PRG4: variants seen among roughly 807,000 people sequenced by gnomAD.
PRG4 encodes proteoglycan 4.
In PRG4, 61 loss-of-function variants were observed where a neutral mutation model predicts 91.2. The observed-to-expected ratio is 0.67, with a 90% CI of 0.54 to 0.83. The LOEUF (loss-of-function observed/expected upper bound fraction) is 0.83, where lower values mean the gene tolerates loss of function less well. Among genes scored for constraint, PRG4 ranks in the 40% least tolerant of loss-of-function variants. The pLI, the probability that PRG4 is intolerant of heterozygous loss-of-function variation, is 0.00. For synonymous variants in PRG4, 576 were observed against 614.2 expected (o/e 0.94, Z 0.92); for missense variants, 1,564 against 1,714.2 (o/e 0.91, Z 1.55).
chr1:186,314,141 T>C lies in PRG4; in HGVS notation c.*363T>C. 2.1e-6 allele frequency: 2 copies of C among 933,516 alleles called. No homozygotes were observed. The highest frequency in any genetic ancestry group is 2.5e-5 in the East Asian group (1 of 40,268). The allele number at this position is 933,516 out of a possible 1,614,324, so 57.8% of individuals were successfully genotyped here. ...CTAGGCATTGTGGATATAAAACTGT[T>C]GGGTATTCTACAACTTCAATGGAAA... is the stretch of plus-strand genomic sequence containing the variant. On this transcript the variant is annotated 3_prime_UTR_variant, in exon 13 of 13. Coordinates refer to ENST00000445192, the MANE Select transcript of PRG4 (RefSeq NM_005807.6).
At position 186,304,933 on chromosome 1, in the gene PRG4, T is replaced by C. The variant is rs780274827; in HGVS notation, c.598+11T>C. On this transcript the variant is annotated intron_variant, in intron 6 of 12. Transcript: ENST00000445192. ...AGAAGAAACTCAAAGGTTTGAGCAT[T>C]GATAAAGATCAAAGACTGTATCAAT... 1.2e-6 allele frequency: 2 copies of C among 1,611,956 alleles called. No homozygotes were observed. The highest frequency in any genetic ancestry group is 1.7e-6 in the Non-Finnish European group (2 of 1,178,508).
intron 5 of PRG4, 72 bp from the exon 6 acceptor site, chr1:186,304,722 G>C: frequency 6.5e-7 from 1 of 1,533,288 alleles, no homozygotes; most frequent in Non-Finnish European, 9.0e-7. Context: ...ACTTCTTGCT[G>C]TGTTTAGACT....
chr1:186,301,217 G>C (rs991495004), intron 3 of PRG4, among the ~76,000 whole-genome samples: 3 of 152,130 alleles, frequency 2.0e-5, no homozygotes, highest in African/African-American at 7.2e-5. Context: ...CAATTACTGT[G>C]AATCTATTAC....
chr1:186,305,025 G>T lies in PRG4; in HGVS notation c.598+103G>T, dbSNP rs6425025. ...GCAGAATGAGGACATCTTAATATGG[G>T]GGGGAATATAACTTTATGAATATTA... On this transcript the variant is annotated intron_variant, in intron 6 of 12. Transcript: ENST00000445192. 0.15 allele frequency: 188,071 copies of T among 1,227,694 alleles called. 15,630 individuals carry two copies. The highest frequency in any genetic ancestry group is 0.16 in the Non-Finnish European group (139,395 of 856,854). 76.1% of individuals were successfully genotyped at this position (1,227,694 alleles called of 1,614,324 possible). A position where few individuals can be genotyped will look rare whatever the true frequency, so the allele number is the denominator to read the frequency against.
chr1:186,312,012 AT>A (rs1557969045), intron 10 of PRG4, 162 bp from the exon 11 acceptor site: 9 of 607,590 alleles, frequency 1.5e-5, no homozygotes, highest in Non-Finnish European at 2.6e-5. Flanking sequence ...TTTAATAATT[AT>A]TTTTATAATA....
chr1:186,307,241 C>T lies in PRG4; in HGVS notation c.1522C>T (p.Pro508Ser). 1 of 1,587,888 alleles carries T rather than the reference C, an allele frequency of 6.3e-7. No individual in the cohort carries two copies. The highest frequency in any genetic ancestry group is 8.5e-7 in the Non-Finnish European group (1 of 1,170,394). Residue 508 changes from proline to serine, a missense_variant, in exon 7 of 13, where the codon CCC (proline) becomes TCC (serine). By Grantham distance (74) the Pro-to-Ser change is moderately conservative. Around this residue, in one of 3 missense-constraint regions of PRG4, gnomAD observed 1,079 missense variants for 1,162.2 expected, o/e 0.93. Transcript: ENST00000445192. ...ACCCACCACTCCCAAGGAGCCTGCA[C>T]CCACCACCACCAAGGAGCCTTCACC... ...PAPTTPKEPA[P>S]TTTKEPSPTT...
At position 186,311,461 on chromosome 1, in the gene PRG4, A is replaced by G. The variant is rs760509445; in HGVS notation, c.3658A>G (p.Thr1220Ala). 2 of 1,613,662 alleles carry G rather than the reference A, an allele frequency of 1.2e-6. No homozygotes were observed. The highest frequency in any genetic ancestry group is 1.7e-6 in the Non-Finnish European group (2 of 1,179,606). ...TCAGGATTCTCAGTACTGGCGTTTT[A>G]CCAATGATATAAAAGATGCAGGGTA... The part of the protein sequence containing the change: ...FFKDSQYWRF[T>A]NDIKDAGYPK... Residue 1220 changes from threonine (T) to alanine (A), a missense_variant, in exon 10 of 13, where the codon ACC becomes GCC. Coordinates refer to ENST00000445192, the MANE Select transcript of PRG4 (RefSeq NM_005807.6).
At chr1:186,312,990 G>C in intron 12 of PRG4, 96 bp downstream of exon 12, 1 of 1,309,136 alleles carries the variant, frequency 7.6e-7, no homozygotes, top group Non-Finnish European at 1.1e-6. Context: ...GACTGAATGT[G>C]AGAAGTTACA....
At position 186,308,938 on chromosome 1, in the gene PRG4, C is replaced by T. The variant is rs1656964448; in HGVS notation, c.3219C>T (p.Leu1073=). 6.2e-7 allele frequency: 1 copy of T among 1,610,932 alleles called. No individual in the cohort carries two copies. The highest frequency in any genetic ancestry group is 8.5e-7 in the Non-Finnish European group (1 of 1,178,870). The change falls in exon 7 of 13, where the codon CTC becomes CTT. Residue 1073 remains leucine, a synonymous_variant. Transcript: ENST00000445192. ...NPTSRIAEAM[L]QTTTRPNQTP... is the part of the protein sequence containing the mutation. ...CCTCAAGAATAGCAGAAGCCATGCT[C>T]CAAACCACCACCAGACCTAACCAAA...
Position 186,314,105 on chromosome 1 carries a change from A to C in PRG4, c.*327A>C. ...GTGTATTCACTTACCCTAGTTCATT[A>C]TAAAAAATATCTAGGCATTGTGGAT... On this transcript the variant is annotated 3_prime_UTR_variant, in exon 13 of 13. Coordinates refer to ENST00000445192, the MANE Select transcript of PRG4 (RefSeq NM_005807.6). 1 of 1,336,850 alleles carries C rather than the reference A, an allele frequency of 7.5e-7. No homozygotes were observed. The highest frequency in any genetic ancestry group is 1.0e-6 in the Non-Finnish European group (1 of 960,386). 82.8% of individuals were successfully genotyped at this position (1,336,850 alleles called of 1,614,324 possible).
Position 186,308,288 on chromosome 1 carries a change from G to A in PRG4, c.2569G>A (p.Val857Ile). 6.2e-7 allele frequency: 1 copy of A among 1,613,824 alleles called. No individual in the cohort carries two copies. Among genetic ancestry groups the A allele is most frequent in the Non-Finnish European group, 8.5e-7 (1 of 1,179,994 alleles). The change falls in exon 7 of 13, where the codon GTC becomes ATC. Residue 857 changes from valine to isoleucine, a missense_variant. By Grantham distance (29) the Val-to-Ile change is conservative. This residue lies in a region of PRG4 where 1,079 missense variants were observed against 1,162.2 expected (regional missense o/e 0.93). Coordinates refer to ENST00000445192, the MANE Select transcript of PRG4 (RefSeq NM_005807.6). ...GACACCTCCTCCAACCACTTCAGAG[G>A]TCTCTACTCCAACTACCACCAAGGA... The part of the protein sequence containing the change: ...PETPPPTTSE[V>I]STPTTTKEPT...
rs531185797 is a variant in PRG4, at chr1:186,307,618, A to G, written c.1899A>G (p.Ala633=). 3 of 1,287,358 alleles carry G rather than the reference A, an allele frequency of 2.3e-6. No homozygotes were observed. The highest frequency in any genetic ancestry group is 1.3e-5 in the South Asian group (1 of 75,462). 79.7% of individuals were successfully genotyped at this position (1,287,358 alleles called of 1,614,324 possible). A position where few individuals can be genotyped will look rare whatever the true frequency, so the allele number is the denominator to read the frequency against. ...KLTPTTPEKL[A]PTTPEKPAPT... is the part of the protein sequence containing the mutation. ...CGCCCACCACCCCCGAGAAGCTCGC[A>G]CCCACCACCCCTGAGAAGCCCGCAC... The change falls in exon 7 of 13, where the codon GCA becomes GCG. Residue 633 remains alanine, a synonymous_variant. Transcript: ENST00000445192.
chr1:186,308,039 G>C lies in PRG4; in HGVS notation c.2320G>C (p.Ala774Pro). The change falls in exon 7 of 13, where the codon GCT (alanine) becomes CCT (proline). Residue 774 changes from alanine to proline, a missense_variant. By Grantham distance (27) the Ala-to-Pro change is conservative (BLOSUM62 -1). This residue lies in a region of PRG4 where 1,079 missense variants were observed against 1,162.2 expected (regional missense o/e 0.93). Transcript: ENST00000445192. ...EPAPTTPKEP[A>P]PTTPKGTAPT... ...TGCTCCAACTACCCCTAAGGAGCCT[G>C]CTCCAACTACCCCTAAGGGGACTGC... The C allele has an allele frequency of 6.2e-7, 1 of 1,607,410 alleles. No homozygotes were observed. Among genetic ancestry groups the C allele is most frequent in the Non-Finnish European group, 8.5e-7 (1 of 1,178,666 alleles).
chr1:186,305,887 C>T (rs998828256), intron 6 of PRG4, among the ~76,000 whole-genome samples: 2 of 152,100 alleles, frequency 1.3e-5, no homozygotes, highest in African/African-American at 4.8e-5. Flanking sequence ...GCAGATTGCT[C>T]AGAGGTAGCT....
At position 186,308,876 on chromosome 1, in the gene PRG4, C is replaced by T. The variant is rs61729245; in HGVS notation, c.3157C>T (p.Arg1053Cys). The T allele has an allele frequency of 1.4e-3, 2,184 of 1,613,706 alleles. 38 individuals carry two copies. The African/African-American group carries it at 0.025, about 19-fold the overall frequency. Residue 1053 changes from arginine (R) to cysteine (C), a missense_variant, in exon 7 of 13, where the codon CGC (arginine) becomes TGC (cysteine). Physicochemically the swap from Arg to Cys is radical, Grantham distance 180. Coordinates refer to ENST00000445192, the MANE Select transcript of PRG4 (RefSeq NM_005807.6). Reference protein sequence around the residue: ...VRKPKTTPTPRKMTSTMPELN... With the variant: ...VRKPKTTPTPCKMTSTMPELN... Reference sequence around the variant, plus strand: ...AAAACCAAAGACGACACCAACTCCCCGCAAGATGACATCAACAATGCCAGA... The same window carrying T: ...AAAACCAAAGACGACACCAACTCCCTGCAAGATGACATCAACAATGCCAGA...
intron 6 of PRG4, among the ~76,000 whole-genome samples, chr1:186,305,811 A>C (rs991585987): frequency 6.6e-6 from 1 of 152,108 alleles, no homozygotes. Flanking sequence ...TGCGCAGAAG[A>C]AAAGGAGTGG....
At chr1:186,304,967 A>C in intron 6 of PRG4, 45 bp downstream of exon 6, 1 of 1,584,260 alleles carries the variant, frequency 6.3e-7, no homozygotes, top group Non-Finnish European at 8.6e-7. Flanking sequence ...ATGCCATATT[A>C]ACAATGATTA....
rs954667660 is a variant in PRG4, at chr1:186,308,267, C to A, written c.2548C>A (p.Pro850Thr). Residue 850 changes from proline (P) to threonine (T), a missense_variant, in exon 7 of 13, where the codon CCT becomes ACT. This residue lies in a region of PRG4 where 1,079 missense variants were observed against 1,162.2 expected (regional missense o/e 0.93). Coordinates refer to ENST00000445192, the MANE Select transcript of PRG4 (RefSeq NM_005807.6). ...KKPAPTTPET[P>T]PPTTSEVSTP... is the part of the protein sequence containing the mutation. Reference sequence around the variant, plus strand: ...GCCTGCTCCAACTACTCCTGAGACACCTCCTCCAACCACTTCAGAGGTCTC... The same window carrying A: ...GCCTGCTCCAACTACTCCTGAGACAACTCCTCCAACCACTTCAGAGGTCTC... 4 of 1,614,008 alleles carry A rather than the reference C, an allele frequency of 2.5e-6. No homozygotes were observed. Among genetic ancestry groups the A allele is most frequent in the Non-Finnish European group, 8.5e-7 (1 of 1,180,012 alleles).
Position 186,314,134 on chromosome 1 carries a change from A to C in PRG4, c.*356A>C. On this transcript the variant is annotated 3_prime_UTR_variant, in exon 13 of 13. Transcript: ENST00000445192. ...AAAATATCTAGGCATTGTGGATATA[A>C]AACTGTTGGGTATTCTACAACTTCA... is the stretch of plus-strand genomic sequence containing the variant. The C allele has an allele frequency of 9.7e-7, 1 of 1,036,086 alleles. No individual in the cohort carries two copies. Among genetic ancestry groups the C allele is most frequent in the Non-Finnish European group, 1.4e-6 (1 of 707,050 alleles). 64.2% of individuals were successfully genotyped at this position (1,036,086 alleles called of 1,614,324 possible).
Sources: allele counts gnomAD v4.1 joint callset (sites outside exome capture counted in the v4.1 genomes callset), GRCh38; gene constraint gnomAD v4.1.1; regional missense constraint gnomAD v4.1.1; transcripts MANE v1.5; gene names NCBI Gene and HGNC (gene_info 2026-07-23, HGNC 2026-07-21).